The following SYNE2 variants were observed in gnomAD, a reference collection of about 807,000 sequenced individuals.
SYNE2 encodes the protein nesprin-2.
Under a neutral mutation model 856.3 loss-of-function variants are expected in SYNE2, and 431 were observed. That is an observed-to-expected ratio of 0.50 (90% CI 0.47 to 0.55). SYNE2 has a LOEUF of 0.55. Among genes scored for constraint, SYNE2 ranks in the 20% least tolerant of loss-of-function variants. SYNE2 has a pLI of 0.00. For synonymous variants in SYNE2, 2,923 were observed against 2,872.3 expected (o/e 1.02, Z -0.56); for missense variants, 8,129 against 8,023.2 (o/e 1.01, Z -0.50).
chr14:63,771,890 CTG>C (rs1886927119), intron 1 of SYNE2, among the ~76,000 whole-genome samples: 1 of 146,862 alleles, frequency 6.8e-6, no homozygotes, highest in South Asian at 2.1e-4. Context: ...GAGTGAGACT[CTG>C]TCTCAAAAAG....
chr14:64,159,282 A>C, intron 86 of SYNE2, 30 bp from the exon 87 acceptor site: 1 of 1,613,458 alleles, frequency 6.2e-7, no homozygotes, highest in Non-Finnish European at 8.5e-7. Context: ...GGCCATTCTG[A>C]AACTTAAATT....
At position 64,137,852 on chromosome 14, in the gene SYNE2, G is replaced by A; in HGVS notation, c.14712G>A (p.Gln4904=). Residue 4904 remains glutamine, a synonymous_variant, in exon 79 of 116, where the codon CAG becomes CAA. Transcript: ENST00000555002. Reference sequence around the variant, plus strand: ...ACCAAACTCTGAACGAAGGCAAACAGTTGGTGGCGTCTGTGAGCTGTCCTG... The same window carrying A: ...ACCAAACTCTGAACGAAGGCAAACAATTGGTGGCGTCTGTGAGCTGTCCTG... ...RLYQTLNEGK[Q]LVASVSCPEL... The A allele has an allele frequency of 6.2e-7, 1 of 1,614,210 alleles. No individual in the cohort carries two copies. The highest frequency in any genetic ancestry group is 1.1e-5 in the South Asian group (1 of 91,086).
In SYNE2 at chr14:64,119,496, G is replaced by A; in HGVS notation, c.12910G>A (p.Asp4304Asn). The A allele has an allele frequency of 6.2e-7, 1 of 1,614,224 alleles. No individual in the cohort carries two copies. The highest frequency in any genetic ancestry group is 1.3e-5 in the African/African-American group (1 of 75,060). The change falls in exon 67 of 116, where the codon GAT becomes AAT. Residue 4304 changes from aspartate to asparagine, a missense_variant. Asp to Asn is a conservative substitution (Grantham distance 23, BLOSUM62 1). Transcript: ENST00000555002. ...GACTTGCAAAGATCAGGGCCTGGGA[G>A]ATAATGGAGCCACTCAACATGAGGC... The part of the protein sequence containing the change: ...LETCKDQGLG[D>N]NGATQHEAEA...
upstream of SYNE2, among the ~76,000 whole-genome samples, chr14:63,850,499 T>C (rs986825866): frequency 2.6e-5 from 4 of 152,130 alleles, no homozygotes; most frequent in Non-Finnish European, 4.4e-5. Flanking sequence ...TGTAACCATA[T>C]GAGCCATCCA....
chr14:63,999,181 A>G (rs2096735323), intron 27 of SYNE2, 141 bp downstream of exon 27: 4 of 853,298 alleles, frequency 4.7e-6, no homozygotes, highest in African/African-American at 1.7e-5. Context: ...TTGCATTTCT[A>G]GTGTCACCCT....
intron 6 of SYNE2, among the ~76,000 whole-genome samples, chr14:63,949,384 C>T (rs138964608): frequency 7.9e-4 from 120 of 152,254 alleles, no homozygotes; most frequent in African/African-American, 2.7e-3. Flanking sequence ...TTTGTTTCCT[C>T]TGGACTTGTC....
chr14:63,782,268 G>A (rs530948236), intron 1 of SYNE2, among the ~76,000 whole-genome samples: 5 of 152,166 alleles, frequency 3.3e-5, no homozygotes, highest in Non-Finnish European at 7.4e-5. Flanking sequence ...GAGGTCAGGA[G>A]TTCGAGACCA....
rs189538432 is a variant in SYNE2 at position 63,858,303 on chromosome 14, G to C, written c.-52+5160G>C. Among the ~76,000 whole-genome samples, 481 of 91,196 alleles carry C rather than the reference G, an allele frequency of 5.3e-3. 9 individuals carry two copies. The East Asian group carries it at 0.11, about 22-fold the overall frequency. The allele number at this position is 91,196 out of a possible 152,430, so 59.8% of individuals were successfully genotyped here. A position where few individuals can be genotyped will look rare whatever the true frequency, so the allele number is the denominator to read the frequency against. ...TTTTTTTTTTTTTTTTTGATTTTTA[G>C]TAGAGACAGGGTTTCACTGTGTTGG... On this transcript the variant is annotated intron_variant, in intron 1 of 115. Coordinates refer to ENST00000555002, the MANE Select transcript of SYNE2 (RefSeq NM_182914.3).
intron 32 of SYNE2, among the ~76,000 whole-genome samples, chr14:64,014,928 CTTAT>C (rs1218676004): frequency 3.5e-4 from 18 of 51,842 alleles, no homozygotes; most frequent in African/African-American, 9.7e-4. Flanking sequence ...TGTATAATTC[CTTAT>C]ATATATATAT....
chr14:64,173,953 T>C (rs1427708223), intron 94 of SYNE2: 1 of 698,150 alleles, frequency 1.4e-6, no homozygotes, highest in Non-Finnish European at 2.6e-6. Flanking sequence ...GGACCTTCGC[T>C]ACTCTCTGCA....
chr14:63,986,420 C>A, intron 18 of SYNE2, 36 bp from the exon 19 acceptor site: 1 of 1,611,630 alleles, frequency 6.2e-7, no homozygotes, highest in Non-Finnish European at 8.5e-7. Context: ...TATGTACATG[C>A]TGACATTTTC....
At chr14:64,002,650 G>T (rs2096764049) in intron 29 of SYNE2, 70 bp from the exon 30 acceptor site, 2 of 1,547,322 alleles carry the variant, frequency 1.3e-6, no homozygotes, top group Non-Finnish European at 8.8e-7. Flanking sequence ...TGCAGTTTGG[G>T]GCTAGTTTCT....
At chr14:64,223,405 T>C (rs970751145) in intron 113 of SYNE2, 25 bp downstream of exon 113, 4 of 1,612,122 alleles carry the variant, frequency 2.5e-6, no homozygotes, top group Non-Finnish European at 3.4e-6. Flanking sequence ...AGCTTTTAAC[T>C]GTAAAGATTG....
At chr14:63,948,762 A>G (rs1372876635) in intron 6 of SYNE2, among the ~76,000 whole-genome samples, 39 of 67,066 alleles carry the variant, frequency 5.8e-4, no homozygotes, top group African/African-American at 1.3e-3. Context: ...ATATATATGT[A>G]TATATATGTA....
intron 78 of SYNE2, among the ~76,000 whole-genome samples, chr14:64,137,177 G>A (rs1595767484): frequency 6.6e-6 from 1 of 152,098 alleles, no homozygotes; most frequent in East Asian, 1.9e-4. Context: ...CTATAAAGTT[G>A]ATTTGGGTTG....
chr14:64,052,471 G>A lies in SYNE2; in HGVS notation c.8558G>A (p.Ser2853Asn), dbSNP rs763671728. 1.5e-5 allele frequency: 24 copies of A among 1,613,420 alleles called. No individual in the cohort carries two copies. The highest frequency in any genetic ancestry group is 1.9e-5 in the Non-Finnish European group (23 of 1,179,700). The change falls in exon 48 of 116, where the codon AGT becomes AAT. Residue 2853 changes from serine (S) to asparagine (N), a missense_variant. Coordinates refer to ENST00000555002, the MANE Select transcript of SYNE2 (RefSeq NM_182914.3). ...AAGTTTCAACTTATGGTTCAAGAAA[G>A]TGAAACACTGATAATTCCCAGGGTG... ...IRKFQLMVQE[S>N]ETLIIPRVET...
At chr14:64,068,799 T>C (rs1169162850) in intron 51 of SYNE2, among the ~76,000 whole-genome samples, 1 of 138,216 alleles carries the variant, frequency 7.2e-6, no homozygotes, top group Non-Finnish European at 1.5e-5. Context: ...GCGTGGGAGG[T>C]TACAGTGAGC....
intron 1 of SYNE2, among the ~76,000 whole-genome samples, chr14:63,830,190 T>A (rs1055550768): frequency 6.6e-6 from 1 of 151,502 alleles, no homozygotes; most frequent in Non-Finnish European, 1.5e-5. Flanking sequence ...TCTTTAGAGA[T>A]GGAAAGTAGA....
chr14:64,139,191 C>T (rs1318747708), intron 79 of SYNE2, among the ~76,000 whole-genome samples: 1 of 151,826 alleles, frequency 6.6e-6, no homozygotes, highest in Non-Finnish European at 1.5e-5. Flanking sequence ...CCATGTTGCC[C>T]AGGCTGGTCT....
Sources: gnomAD v4.1 joint callset for allele counts (sites outside exome capture counted in the v4.1 genomes callset) on GRCh38, gnomAD v4.1.1 for gene constraint, MANE v1.5 for transcripts, NCBI Gene and HGNC (gene_info 2026-07-23, HGNC 2026-07-21) for gene names.